Variants in PAM observed in about 807,000 individuals in gnomAD.
PAM encodes the protein peptidylglycine alpha-amidating monooxygenase, also known as peptidyl-glycine alpha-amidating monooxygenase.
PAM carries 72 observed loss-of-function variants against 122.1 expected under a neutral mutation model. The ratio of observed to expected loss-of-function variants is 0.59; its 90% confidence interval spans 0.49 to 0.72. PAM has a LOEUF of 0.72. Among genes scored for constraint, PAM ranks in the 30% least tolerant of loss-of-function variants. PAM has a pLI of 0.00. For synonymous variants in PAM, 389 were observed against 404.4 expected, an observed-to-expected ratio of 0.96 and a Z score of 0.46; for missense variants, 1,106 against 1,183.7, an observed-to-expected ratio of 0.93 and a Z score of 0.96.
intron 22 of PAM, among the ~76,000 whole-genome samples, chr5:103,018,619 A>G (rs1782683950): frequency 6.6e-6 from 1 of 152,214 alleles, no homozygotes; most frequent in Non-Finnish European, 1.5e-5. Flanking sequence ...TAAGGCAAAG[A>G]TAGATGGATA....
At chr5:102,896,971 A>G (rs983147982) in intron 3 of PAM, among the ~76,000 whole-genome samples, 1 of 151,636 alleles carries the variant, frequency 6.6e-6, no homozygotes, top group African/African-American at 2.4e-5. Context: ...TGAGCCTCCT[A>G]TGCATGCATT....
At chr5:103,019,973 C>T (rs1783094015) in intron 23 of PAM, 130 bp downstream of exon 23, 1 of 719,908 alleles carries the variant, frequency 1.4e-6, no homozygotes. Context: ...GTGACTTCTG[C>T]TATGTACTGA....
chr5:102,866,265 C>A lies in PAM; in HGVS notation c.70C>A (p.Pro24Thr). Residue 24 changes from proline (P) to threonine (T), a missense_variant, in exon 2 of 26, where the codon CCA becomes ACA. This residue lies in a region of PAM where 670 missense variants were observed against 690.3 expected (regional missense o/e 0.97). Coordinates refer to ENST00000438793, the MANE Select transcript of PAM (RefSeq NM_001177306.2). Reference protein sequence around the residue: ...FPSSCLAFRSPLSVFKRFKET... With the variant: ...FPSSCLAFRSTLSVFKRFKET... ...AAGCAGCTGTTTGGCTTTCCGAAGCCCACTTTCTGTCTTTAAGAGGTGGGT... is the reference window on the plus strand; with the variant it reads ...AAGCAGCTGTTTGGCTTTCCGAAGCACACTTTCTGTCTTTAAGAGGTGGGT... 6.2e-7 allele frequency: 1 copy of A among 1,611,976 alleles called. No homozygotes were observed. Among genetic ancestry groups the A allele is most frequent in the Non-Finnish European group, 8.5e-7 (1 of 1,178,136 alleles).
intron 14 of PAM, among the ~76,000 whole-genome samples, chr5:102,969,066 C>T (rs1361683866): frequency 6.6e-6 from 1 of 151,448 alleles, no homozygotes; most frequent in Non-Finnish European, 1.5e-5. Context: ...GGGAGGGGAA[C>T]ATCACACACC....
chr5:102,772,213 T>G (rs1021333803), intron 1 of PAM, among the ~76,000 whole-genome samples: 1 of 152,154 alleles, frequency 6.6e-6, no homozygotes, highest in African/African-American at 2.4e-5. Context: ...CAGGGTTAAC[T>G]GCTTAATAAA....
chr5:102,767,324 GGC>G (rs1427514697), intron 1 of PAM, among the ~76,000 whole-genome samples: 2 of 151,988 alleles, frequency 1.3e-5, no homozygotes, highest in Non-Finnish European at 2.9e-5. Flanking sequence ...CACCTTTTGT[GGC>G]GTTTTATCCA....
chr5:102,928,096 G>A (rs1388382700), intron 7 of PAM, among the ~76,000 whole-genome samples: 1 of 152,118 alleles, frequency 6.6e-6, no homozygotes, highest in Non-Finnish European at 1.5e-5. Context: ...CTCAAAAAAG[G>A]CAAGCAGACC....
chr5:102,761,654 T>C (rs894507857), intron 1 of PAM, among the ~76,000 whole-genome samples: 1 of 152,248 alleles, frequency 6.6e-6, no homozygotes, highest in African/African-American at 2.4e-5. Flanking sequence ...CAGTAACATT[T>C]TACTTATATA....
At chr5:103,028,272 T>G in intron 25 of PAM, 34 bp downstream of exon 25, 1 of 1,436,006 alleles carries the variant, frequency 7.0e-7, no homozygotes, top group Non-Finnish European at 9.8e-7. Flanking sequence ...CCTTCATGTT[T>G]GGTTCAAAGT....
intron 22 of PAM, 109 bp downstream of exon 22, chr5:103,017,542 G>T: frequency 2.7e-6 from 2 of 734,494 alleles, no homozygotes; most frequent in Non-Finnish European, 4.8e-6. Context: ...ATGAGAGTAG[G>T]AATCAAAGTA....
intron 24 of PAM, among the ~76,000 whole-genome samples, chr5:103,027,893 C>G (rs1308611738): frequency 6.6e-6 from 1 of 152,154 alleles, no homozygotes; most frequent in Non-Finnish European, 1.5e-5. Context: ...GCCTTACAGA[C>G]AGGGATTCTC....
intron 16 of PAM, among the ~76,000 whole-genome samples, chr5:102,999,023 C>G (rs1263202951): frequency 6.6e-6 from 1 of 152,274 alleles, no homozygotes; most frequent in Non-Finnish European, 1.5e-5. Context: ...GCAAAAACGT[C>G]CTTCACATGA....
In PAM at chr5:102,920,422, A is replaced by G. The variant is rs144862030; in HGVS notation, c.357-4535A>G. Among the ~76,000 whole-genome samples the G allele has an allele frequency of 9.5e-3, 1,439 of 152,180 alleles. 20 individuals are homozygous for G. The highest frequency in any genetic ancestry group is 0.032 in the African/African-American group (1,335 of 41,550). ...TGTCTAACCTTATTGGAGCAAAGGA[A>G]CAGTGGGTAGTTTCTGTGATGCTAT... On this transcript the variant is annotated intron_variant, in intron 5 of 25. Transcript: ENST00000438793.
chr5:102,986,592 T>A (rs1401547961), intron 15 of PAM, among the ~76,000 whole-genome samples: 1 of 151,998 alleles, frequency 6.6e-6, no homozygotes, highest in Non-Finnish European at 1.5e-5. Context: ...ACCAAAAAAA[T>A]GGAAAAATAT....
chr5:102,798,453 A>G (rs1196415421), intron 1 of PAM, among the ~76,000 whole-genome samples: 1 of 152,180 alleles, frequency 6.6e-6, no homozygotes, highest in Non-Finnish European at 1.5e-5. Flanking sequence ...ATATTATTGA[A>G]TTTTTTGAAT....
chr5:102,971,555 A>G (rs976575753), intron 14 of PAM, among the ~76,000 whole-genome samples: 3 of 152,150 alleles, frequency 2.0e-5, no homozygotes, highest in African/African-American at 7.2e-5. Context: ...AAGATCTGAA[A>G]GTTGAGGAGC....
intron 1 of PAM, among the ~76,000 whole-genome samples, chr5:102,775,917 C>T (rs746082725): frequency 2.0e-5 from 3 of 152,172 alleles, no homozygotes; most frequent in Admixed American, 6.5e-5. Flanking sequence ...AATTGCCAAA[C>T]TGTCTTCCAC....
intron 1 of PAM, among the ~76,000 whole-genome samples, chr5:102,761,259 T>G (rs1752280727): frequency 6.6e-6 from 1 of 152,176 alleles, no homozygotes; most frequent in Non-Finnish European, 1.5e-5. Flanking sequence ...AAGTACAACT[T>G]TAAATGACAC....
At chr5:103,013,182 A>G (rs1781130409) in intron 21 of PAM, among the ~76,000 whole-genome samples, 1 of 152,112 alleles carries the variant, frequency 6.6e-6, no homozygotes, top group South Asian at 2.1e-4. Flanking sequence ...AACAATACTG[A>G]TTCTTCCAAT....
Sources: gnomAD v4.1 joint callset for allele counts (sites outside exome capture counted in the v4.1 genomes callset) on GRCh38, gnomAD v4.1.1 for gene constraint, gnomAD v4.1.1 regional missense constraint, MANE v1.5 for transcripts, NCBI Gene and HGNC (gene_info 2026-07-23, HGNC 2026-07-21) for gene names.